Variants in MALRD1 observed in about 807,000 individuals in gnomAD.
MALRD1 encodes the protein MAM and LDL receptor class A domain containing 1.
Under a neutral mutation model 242.1 loss-of-function variants are expected in MALRD1, and 247 were observed. That is an observed-to-expected ratio of 1.02 (90% CI 0.92 to 1.13). The LOEUF (loss-of-function observed/expected upper bound fraction) is 1.13. MALRD1 is among the 50% of genes most tolerant of loss of function. The pLI is 0.00. For missense variants in MALRD1, 2,989 were observed against 2,533.1 expected, an observed-to-expected ratio of 1.18 and a Z score of -3.86; for synonymous variants, 995 against 866.6, an observed-to-expected ratio of 1.15 and a Z score of -2.60.
At chr10:19,400,086 A>G (rs952385205) in intron 28 of MALRD1, among the ~76,000 whole-genome samples, 25 of 152,144 alleles carry the variant, frequency 1.6e-4, no homozygotes, top group Non-Finnish European at 5.9e-5. Flanking sequence ...ATTTAAACAT[A>G]TATTTAGTGA....
intron 21 of MALRD1, among the ~76,000 whole-genome samples, chr10:19,306,084 A>ATATATAC (rs1238200956): frequency 5.9e-5 from 7 of 117,918 alleles, no homozygotes; most frequent in African/African-American, 2.1e-4. Flanking sequence ...ACTATATACT[A>ATATATAC]TATATACTAT....
At chr10:19,730,580 T>G (rs1005142622) in intron 38 of MALRD1, 126 bp from the exon 39 acceptor site, 9 of 971,228 alleles carry the variant, frequency 9.3e-6, no homozygotes, top group Admixed American at 6.0e-5. Flanking sequence ...TGGTAATACA[T>G]TCATGAAAAT....
At chr10:19,151,095 G>A (rs1343833327) in intron 11 of MALRD1, among the ~76,000 whole-genome samples, 2 of 152,030 alleles carry the variant, frequency 1.3e-5, no homozygotes, top group African/African-American at 4.8e-5. Context: ...CCAGCAAGAG[G>A]CATTATAATT....
chr10:19,445,816 C>T (rs2131012766), intron 28 of MALRD1, among the ~76,000 whole-genome samples: 1 of 152,348 alleles, frequency 6.6e-6, no homozygotes, highest in East Asian at 1.9e-4. Flanking sequence ...CCACTACTGT[C>T]TTCAAAGCTG....
chr10:19,401,574 A>G (rs190481923), intron 28 of MALRD1, among the ~76,000 whole-genome samples: 7 of 152,316 alleles, frequency 4.6e-5, no homozygotes, highest in East Asian at 1.9e-4. Flanking sequence ...ACAAATTTCA[A>G]CTTAGTTGCT....
intron 30 of MALRD1, among the ~76,000 whole-genome samples, chr10:19,497,290 TAAA>T (rs3045360): frequency 0.034 from 5,131 of 151,062 alleles, 188 homozygotes; most frequent in African/African-American, 0.085. Context: ...TATCACATAA[TAAA>T]AACCTATTCT....
intron 4 of MALRD1, among the ~76,000 whole-genome samples, chr10:19,088,592 T>TA (rs1295893181): frequency 1.0e-5 from 1 of 96,238 alleles, no homozygotes; most frequent in Admixed American, 9.6e-5. Context: ...TTTATTTATT[T>TA]TTTTTTATTA....
intron 12 of MALRD1, among the ~76,000 whole-genome samples, chr10:19,158,082 G>T (rs574002746): frequency 5.9e-5 from 9 of 152,306 alleles, no homozygotes; most frequent in African/African-American, 2.2e-4. Flanking sequence ...ACACGAGGGA[G>T]CCCAAAGCTA....
At chr10:19,605,348 A>G (rs1838560106) in intron 34 of MALRD1, among the ~76,000 whole-genome samples, 1 of 151,294 alleles carries the variant, frequency 6.6e-6, no homozygotes, top group Admixed American at 6.6e-5. Context: ...TTATTATGTT[A>G]GTAGGGAAGG....
intron 28 of MALRD1, among the ~76,000 whole-genome samples, chr10:19,445,914 G>C (rs1163578922): frequency 1.3e-5 from 2 of 152,214 alleles, no homozygotes; most frequent in African/African-American, 4.8e-5. Flanking sequence ...TACAGAGGCA[G>C]GTAGGCCTCC....
chr10:19,118,141 C>T (rs907092540), intron 5 of MALRD1, among the ~76,000 whole-genome samples: 1 of 152,050 alleles, frequency 6.6e-6, no homozygotes, highest in African/African-American at 2.4e-5. Flanking sequence ...TCAGTATGGT[C>T]ACATTAAAAC....
intron 36 of MALRD1, among the ~76,000 whole-genome samples, chr10:19,663,375 A>G (rs574354448): frequency 1.1e-3 from 164 of 152,220 alleles, no homozygotes; most frequent in African/African-American, 3.7e-3. Flanking sequence ...CTTATGGATG[A>G]GTAGTATTCC....
chr10:19,584,335 C>A (rs1310435971), intron 33 of MALRD1, among the ~76,000 whole-genome samples: 2 of 152,102 alleles, frequency 1.3e-5, no homozygotes, highest in Non-Finnish European at 2.9e-5. Context: ...AATTTTGGAT[C>A]TTTTCTGCTT....
chr10:19,441,739 G>T (rs1023029314), intron 28 of MALRD1, among the ~76,000 whole-genome samples: 1 of 152,134 alleles, frequency 6.6e-6, no homozygotes, highest in Non-Finnish European at 1.5e-5. Context: ...CTGTAGCCTT[G>T]TAGTATAGTT....
intron 38 of MALRD1, among the ~76,000 whole-genome samples, chr10:19,725,290 C>T (rs924354152): frequency 6.6e-6 from 1 of 152,090 alleles, no homozygotes; most frequent in East Asian, 1.9e-4. Flanking sequence ...TGCTGCTATT[C>T]TCAGGATAGT....
chr10:19,511,104 TTATTA>T (rs1367697512), intron 31 of MALRD1, among the ~76,000 whole-genome samples: 5 of 152,160 alleles, frequency 3.3e-5, no homozygotes, highest in African/African-American at 9.7e-5. Context: ...AACCATAACT[TTATTA>T]TATTTATGCC....
chr10:19,378,782 G>GT, intron 26 of MALRD1, among the ~76,000 whole-genome samples: 1 of 152,042 alleles, frequency 6.6e-6, no homozygotes, highest in Non-Finnish European at 1.5e-5. Context: ...ATCTTGTCAT[G>GT]TATTTTTCTG....
intron 26 of MALRD1, among the ~76,000 whole-genome samples, chr10:19,384,149 T>G (rs529270379): frequency 6.6e-6 from 1 of 150,894 alleles, no homozygotes; most frequent in South Asian, 2.1e-4. Context: ...CATATATACA[T>G]ATATTGTCCA....
At chr10:19,569,636 A>G (rs1023383097) in intron 33 of MALRD1, among the ~76,000 whole-genome samples, 1 of 147,686 alleles carries the variant, frequency 6.8e-6, no homozygotes, top group Non-Finnish European at 1.5e-5. Flanking sequence ...TATATATTCC[A>G]TAATATGTAT....
Sources: allele counts gnomAD v4.1 joint callset (sites outside exome capture counted in the v4.1 genomes callset), GRCh38; gene constraint gnomAD v4.1.1; transcripts MANE v1.5; gene names NCBI Gene and HGNC (gene_info 2026-07-23, HGNC 2026-07-21).